Variants in SNRPB2 observed in about 807,000 individuals in gnomAD.
SNRPB2 encodes small nuclear ribonucleoprotein polypeptide B2.
SNRPB2 carries 16 observed loss-of-function variants against 26.3 expected under a neutral mutation model. The ratio of observed to expected loss-of-function variants is 0.61; its 90% CI spans 0.41 to 0.92. The LOEUF (loss-of-function observed/expected upper bound fraction) is 0.92. SNRPB2 is among the 40% of genes least tolerant of loss of function. The pLI is 0.00. For missense variants in SNRPB2, 179 were observed against 268.1 expected (o/e 0.67, Z 2.32); for synonymous variants, 75 against 89.0 (o/e 0.84, Z 0.88).
chr20:16,731,854 C>T (rs1422072593), intron 2 of SNRPB2, 88 bp downstream of exon 2: 12 of 1,569,574 alleles, frequency 7.6e-6, no homozygotes, highest in South Asian at 1.2e-5. Context: ...AACCTCTTAC[C>T]TCATCATCTT....
At chr20:16,737,627 G>A (rs943676479) in intron 4 of SNRPB2, among the ~76,000 whole-genome samples, 3 of 152,162 alleles carry the variant, frequency 2.0e-5, no homozygotes, top group African/African-American at 7.2e-5. Context: ...ATATTTGCAT[G>A]GCATTTAATT....
chr20:16,731,481 A>T (rs2072390096), intron 1 of SNRPB2, among the ~76,000 whole-genome samples, 187 bp from the exon 2 acceptor site: 1 of 152,226 alleles, frequency 6.6e-6, no homozygotes, highest in Admixed American at 6.5e-5. Flanking sequence ...CAAGTTTTGA[A>T]TGTGAGAAAC....
chr20:16,738,719 G>A (rs2072444213), intron 4 of SNRPB2, 133 bp from the exon 5 acceptor site: 1 of 667,922 alleles, frequency 1.5e-6, no homozygotes, highest in Non-Finnish European at 2.7e-6. Context: ...AATTCTTAAA[G>A]TAAAATTAAA....
intron 1 of SNRPB2, chr20:16,730,497 T>C (rs1415554736): frequency 2.0e-5 from 3 of 152,228 alleles, no homozygotes; most frequent in Non-Finnish European, 4.4e-5. Context: ...AGCCTCCCCT[T>C]TGTCCCCCTA....
chr20:16,736,909 CCG>C, intron 3 of SNRPB2, among the ~76,000 whole-genome samples: 1 of 152,290 alleles, frequency 6.6e-6, no homozygotes, highest in African/African-American at 2.4e-5. Context: ...ATTCCAAAGC[CCG>C]CTGGTGGAGC....
intron 4 of SNRPB2, 70 bp downstream of exon 4, chr20:16,737,471 A>G (rs138311952): frequency 1.9e-5 from 27 of 1,409,532 alleles, no homozygotes; most frequent in Middle Eastern, 3.7e-4. Context: ...TCTTACAGGT[A>G]AGGAATGATC....
intron 3 of SNRPB2, among the ~76,000 whole-genome samples, chr20:16,735,883 T>C (rs2072422975): frequency 6.6e-6 from 1 of 152,248 alleles, no homozygotes; most frequent in Admixed American, 6.5e-5. Flanking sequence ...CCCAGTCTTC[T>C]GTACTTTTAA....
At chr20:16,730,630 T>TA (rs1310212690) in intron 1 of SNRPB2, 1 of 152,280 alleles carries the variant, frequency 6.6e-6, no homozygotes, top group Non-Finnish European at 1.5e-5. Context: ...TTTTACCTGT[T>TA]ACCTGCACAA....
chr20:16,734,365 C>G (rs1048029579), intron 3 of SNRPB2, among the ~76,000 whole-genome samples: 1 of 152,060 alleles, frequency 6.6e-6, no homozygotes, highest in Non-Finnish European at 1.5e-5. Context: ...TGTTTTAACT[C>G]CAACATACCG....
chr20:16,730,670 T>G (rs1200990144), intron 1 of SNRPB2: 1 of 152,230 alleles, frequency 6.6e-6, no homozygotes, highest in Non-Finnish European at 1.5e-5. Flanking sequence ...GCTCTTCCCT[T>G]GTCAATCATC....
chr20:16,739,952 G>T (rs1233640260), intron 5 of SNRPB2, among the ~76,000 whole-genome samples: 1 of 150,080 alleles, frequency 6.7e-6, no homozygotes. Flanking sequence ...ACAGTACAGA[G>T]GAATTGAGTA....
chr20:16,738,814 G>A lies in SNRPB2; in HGVS notation c.379-38G>A, dbSNP rs778859907. 1.4e-5 allele frequency: 17 copies of A among 1,209,580 alleles called. No homozygotes were observed. In the South Asian group the frequency reaches 1.8e-4, roughly 13 times the overall value. 74.9% of individuals were successfully genotyped at this position (1,209,580 alleles called of 1,614,324 possible). ...TAAATACCTGCTGCGTTTTTGGAGGGATTGGATATTTAAACTCTCCCTATT... is the reference window on the plus strand; with the variant it reads ...TAAATACCTGCTGCGTTTTTGGAGGAATTGGATATTTAAACTCTCCCTATT... On this transcript the variant is annotated intron_variant, in intron 4 of 6. Coordinates refer to ENST00000246071, the MANE Select transcript of SNRPB2 (RefSeq NM_003092.5).
At chr20:16,731,794 C>G (rs770922792) in intron 2 of SNRPB2, 28 bp downstream of exon 2, 3 of 1,610,634 alleles carry the variant, frequency 1.9e-6, no homozygotes, top group Non-Finnish European at 2.5e-6. Flanking sequence ...TACTTGTTCA[C>G]TACTAAAATG....
rs779085206 is a variant in SNRPB2, at chr20:16,740,840, T to G, written c.519-6T>G. The G allele has an allele frequency of 6.2e-7, 1 of 1,604,704 alleles. No homozygotes were observed. The highest frequency in any genetic ancestry group is 8.5e-7 in the Non-Finnish European group (1 of 1,172,886). The stretch of plus-strand genomic sequence containing the variant: ...TGTATACATGAATTGTTTTTCTTCT[T>G]TATAGGTTCCCTGGCTTCAAGGAAG... On this transcript the variant is annotated splice_polypyrimidine_tract_variant and splice_region_variant and intron_variant, in intron 6 of 6. Coordinates refer to ENST00000246071, the MANE Select transcript of SNRPB2 (RefSeq NM_003092.5).
Position 16,738,919 on chromosome 20 carries a change from G to A in SNRPB2, c.429+17G>A. The A allele has an allele frequency of 6.4e-7, 1 of 1,560,714 alleles. No individual in the cohort carries two copies. The highest frequency in any genetic ancestry group is 8.8e-7 in the Non-Finnish European group (1 of 1,132,062). On this transcript the variant is annotated intron_variant, in intron 5 of 6. Coordinates refer to ENST00000246071, the MANE Select transcript of SNRPB2 (RefSeq NM_003092.5). ...AATCCTCAGGTAATTTTTTTTCCATGTCGTGCTTACCTTAAAATAAGATTG... is the reference window on the plus strand; with the variant it reads ...AATCCTCAGGTAATTTTTTTTCCATATCGTGCTTACCTTAAAATAAGATTG...
In SNRPB2 at chr20:16,738,745, A is replaced by G. The variant is rs2072444375; in HGVS notation, c.379-107A>G. ...TAAAATTAAATGGAGTAAGAAGGAT[A>G]TCTCTTGGAATTAATGTTATTTTTA... On this transcript the variant is annotated intron_variant, in intron 4 of 6. Coordinates refer to ENST00000246071, the MANE Select transcript of SNRPB2 (RefSeq NM_003092.5). 4.3e-6 allele frequency: 3 copies of G among 703,772 alleles called. No homozygotes were observed. The African/African-American group carries it at 5.4e-5, about 13-fold the overall frequency. The allele number at this position is 703,772 out of a possible 1,614,324, so 43.6% of individuals were successfully genotyped here.
At chr20:16,735,708 C>T (rs2072421996) in intron 3 of SNRPB2, among the ~76,000 whole-genome samples, 1 of 152,246 alleles carries the variant, frequency 6.6e-6, no homozygotes, top group Non-Finnish European at 1.5e-5. Context: ...CCTGTTGTAA[C>T]TGTTGCCTCT....
At chr20:16,737,457 C>G in intron 4 of SNRPB2, 56 bp downstream of exon 4, 1 of 1,463,630 alleles carries the variant, frequency 6.8e-7, no homozygotes, top group Non-Finnish European at 9.2e-7. Context: ...TTGATAGATG[C>G]TTGTCTTACA....
intron 2 of SNRPB2, 66 bp from the exon 3 acceptor site, chr20:16,732,098 T>C (rs916372112): frequency 3.2e-6 from 3 of 949,612 alleles, no homozygotes; most frequent in Non-Finnish European, 4.9e-6. Flanking sequence ...CAATGCAGTA[T>C]CATTTTATGA....
Sources: allele counts gnomAD v4.1 joint callset (sites outside exome capture counted in the v4.1 genomes callset), GRCh38; gene constraint gnomAD v4.1.1; transcripts MANE v1.5; gene names NCBI Gene and HGNC (gene_info 2026-07-23, HGNC 2026-07-21).